Variants in ABCB1 observed in about 807,000 individuals in gnomAD.
ABCB1 encodes ATP-dependent translocase ABCB1.
Under a neutral mutation model 142.0 loss-of-function variants are expected in ABCB1, and 69 were observed. The observed-to-expected ratio is 0.49, with a 90% CI of 0.40 to 0.59. The LOEUF (loss-of-function observed/expected upper bound fraction) is 0.59. Among genes scored for constraint, ABCB1 ranks in the 20% least tolerant of loss-of-function variants. The pLI, the probability that ABCB1 is intolerant of heterozygous loss-of-function variation, is 0.00. For missense variants in ABCB1, 1,326 were observed against 1,554.7 expected, an observed-to-expected ratio of 0.85 and a Z score of 2.47; for synonymous variants, 532 against 539.2, an observed-to-expected ratio of 0.99 and a Z score of 0.18.
intron 1 of ABCB1, among the ~76,000 whole-genome samples, chr7:87,709,776 T>C (rs1419130807): frequency 6.6e-6 from 1 of 152,216 alleles, no homozygotes; most frequent in Non-Finnish European, 1.5e-5. Context: ...TATTTAGTCT[T>C]CATGAAGTTT....
At chr7:87,595,921 A>G in intron 2 of ABCB1, 107 bp from the exon 3 acceptor site, 1 of 842,638 alleles carries the variant, frequency 1.2e-6, no homozygotes, top group South Asian at 1.5e-5. Flanking sequence ...AAGAAGAAAT[A>G]TGTCTATATT....
intron 22 of ABCB1, among the ~76,000 whole-genome samples, chr7:87,519,887 G>A (rs1400344638): frequency 6.6e-6 from 1 of 152,152 alleles, no homozygotes; most frequent in Admixed American, 6.6e-5. Context: ...TTGACATAGA[G>A]GAAACAGGCA....
At chr7:87,560,956 A>G (rs1817540037) in intron 8 of ABCB1, among the ~76,000 whole-genome samples, 1 of 152,212 alleles carries the variant, frequency 6.6e-6, no homozygotes, top group Non-Finnish European at 1.5e-5. Flanking sequence ...ATACTCAGTC[A>G]ATATTAGAGA....
chr7:87,701,482 C>T (rs1829030411), intron 1 of ABCB1, among the ~76,000 whole-genome samples: 1 of 152,128 alleles, frequency 6.6e-6, no homozygotes, highest in Non-Finnish European at 1.5e-5. Flanking sequence ...AATGTGTCAA[C>T]ATTTGATGGA....
At chr7:87,637,058 A>C (rs989976851) in intron 1 of ABCB1, among the ~76,000 whole-genome samples, 12 of 152,198 alleles carry the variant, frequency 7.9e-5, no homozygotes, top group African/African-American at 2.9e-4. Flanking sequence ...CACTATCATG[A>C]GACTAGCATG....
intron 1 of ABCB1, among the ~76,000 whole-genome samples, chr7:87,699,761 G>A (rs1349788080): frequency 1.3e-5 from 2 of 152,082 alleles, no homozygotes; most frequent in African/African-American, 4.8e-5. Context: ...GGTCATGAAC[G>A]GATACATAGT....
chr7:87,508,103 A>G (rs1337362671), intron 26 of ABCB1, among the ~76,000 whole-genome samples: 2 of 152,192 alleles, frequency 1.3e-5, no homozygotes, highest in Admixed American at 6.5e-5. Flanking sequence ...CCCAGGTATA[A>G]TAAACCTGTA....
intron 1 of ABCB1, among the ~76,000 whole-genome samples, chr7:87,620,625 T>C (rs758870078): frequency 6.6e-6 from 1 of 152,282 alleles, no homozygotes; most frequent in South Asian, 2.1e-4. Flanking sequence ...TACGTGTTGT[T>C]CCACTAACTT....
chr7:87,545,520 T>C (rs1467899476), intron 15 of ABCB1, among the ~76,000 whole-genome samples: 1 of 152,232 alleles, frequency 6.6e-6, no homozygotes, highest in Non-Finnish European at 1.5e-5. Flanking sequence ...TATTTTGCAT[T>C]TTTTGTACTA....
At chr7:87,589,201 C>A (rs563368966) in intron 3 of ABCB1, among the ~76,000 whole-genome samples, 3 of 152,226 alleles carry the variant, frequency 2.0e-5, no homozygotes, top group South Asian at 4.1e-4. Context: ...GGAAAAAAAT[C>A]TTAATAACCT....
intron 21 of ABCB1, among the ~76,000 whole-genome samples, chr7:87,524,523 G>A (rs1815692017): frequency 6.6e-6 from 1 of 150,506 alleles, no homozygotes; most frequent in African/African-American, 2.4e-5. Flanking sequence ...TCATAGGTGG[G>A]AACTGAACAA....
At chr7:87,688,735 G>A (rs1044390833) in intron 1 of ABCB1, among the ~76,000 whole-genome samples, 2 of 151,872 alleles carry the variant, frequency 1.3e-5, no homozygotes, top group East Asian at 1.9e-4. Context: ...TGTTTTGAAT[G>A]TCTAAAATTT....
upstream of ABCB1, among the ~76,000 whole-genome samples, chr7:87,604,987 T>C (rs938842143): frequency 1.3e-5 from 2 of 152,314 alleles, no homozygotes; most frequent in East Asian, 3.9e-4. Flanking sequence ...TTATACAAAA[T>C]AAAGTTTCAA....
At chr7:87,667,920 C>T (rs1825428897) in intron 1 of ABCB1, among the ~76,000 whole-genome samples, 1 of 152,076 alleles carries the variant, frequency 6.6e-6, no homozygotes, top group African/African-American at 2.4e-5. Context: ...TATTGATGTT[C>T]ATCAAGGATA....
intron 8 of ABCB1, among the ~76,000 whole-genome samples, chr7:87,557,633 A>T (rs1817361128): frequency 6.6e-6 from 1 of 152,212 alleles, no homozygotes; most frequent in South Asian, 2.1e-4. Flanking sequence ...CTTCTAATTA[A>T]AATTTGATCA....
chr7:87,604,827 C>T (rs1455747586), upstream of ABCB1, among the ~76,000 whole-genome samples: 2 of 152,172 alleles, frequency 1.3e-5, no homozygotes, highest in South Asian at 2.1e-4. Context: ...AATTATACTC[C>T]TCTTTGAACA....
chr7:87,680,795 A>C lies in ABCB1; in HGVS notation c.-331+32366T>G, dbSNP rs963555274. 7.3e-5 allele frequency among the ~76,000 whole-genome samples: 11 copies of C among 150,394 alleles called. 1 individual carries two copies. The highest frequency in any genetic ancestry group is 2.7e-4 in the African/African-American group (11 of 40,476). On this transcript the variant is annotated intron_variant, in intron 1 of 28. Coordinates refer to the ABCB1 transcript ENST00000265724. ...GGGCAAGGAGTGAAACTCCATCTCA[A>C]AAAAAAGAAAAGAAAAGAAAAAAGA...
Position 87,689,654 on chromosome 7 carries a change from A to G in ABCB1, c.-331+23507T>C, listed in dbSNP as rs529198967. On this transcript the variant is annotated intron_variant, in intron 1 of 28. Transcript: ENST00000265724. ...TTATAGAAGAGGGGAAAGATTACAC[A>G]ATTTAGTGGACTTTGTTCATTTTAG... is the stretch of plus-strand genomic sequence containing the variant. Among the ~76,000 whole-genome samples, 3 of 152,250 alleles carry G rather than the reference A, an allele frequency of 2.0e-5. No homozygotes were observed. The East Asian group carries it at 5.8e-4, about 29-fold the overall frequency.
chr7:87,698,455 G>A (rs1211721105), intron 1 of ABCB1, among the ~76,000 whole-genome samples: 3 of 152,196 alleles, frequency 2.0e-5, no homozygotes, highest in South Asian at 2.1e-4. Flanking sequence ...ATTTATAGAT[G>A]CATTTGTTTT....
Sources: gnomAD v4.1 joint callset for allele counts (sites outside exome capture counted in the v4.1 genomes callset) on GRCh38, gnomAD v4.1.1 for gene constraint, MANE v1.5 for transcripts, NCBI Gene and HGNC (gene_info 2026-07-23, HGNC 2026-07-21) for gene names.